Variants in VAV2 observed in about 807,000 individuals in gnomAD.
VAV2 encodes guanine nucleotide exchange factor VAV2.
Under a neutral mutation model 132.5 loss-of-function variants are expected in VAV2, and 67 were observed. The observed-to-expected ratio is 0.51, with a 90% confidence interval of 0.42 to 0.62. VAV2 has a LOEUF of 0.62. VAV2 is among the 20% of genes least tolerant of loss of function. The probability of loss-of-function intolerance (pLI) is 0.00; values close to 1 mark genes in which losing one functional copy is unlikely to be tolerated. For missense variants in VAV2, 938 were observed against 1,153.6 expected (o/e 0.81, Z 2.71); for synonymous variants, 492 against 443.5 (o/e 1.11, Z -1.37).
In VAV2 at chr9:133,794,977, GA is replaced by G. The variant is rs879359523; in HGVS notation, c.1101+690del. 1.3e-5 allele frequency among the ~76,000 whole-genome samples: 2 copies of G among 152,258 alleles called. No homozygotes were observed. Among genetic ancestry groups the G allele is most frequent in the Non-Finnish European group, 2.9e-5 (2 of 68,040 alleles). ...CAGGACGTGGCCAGGTGACGAGGAGGAGGGTGCACCTGAGCCAACACCCGGA... is the reference window on the plus strand; with the variant it reads ...CAGGACGTGGCCAGGTGACGAGGAGGGGGTGCACCTGAGCCAACACCCGGA... On this transcript the variant is annotated intron_variant, in intron 12 of 29. Transcript: ENST00000371850. This position sits in a 1 kb window ranked among gnomAD's most constrained non-coding sequence, Gnocchi z 4.6.
rs140331753 is a variant in VAV2 at position 133,857,669 on chromosome 9, C to A, written c.380+3705G>T. Among the ~76,000 whole-genome samples the A allele has an allele frequency of 5.3e-5, 8 of 152,178 alleles. No homozygotes were observed. The highest frequency in any genetic ancestry group is 1.4e-4 in the African/African-American group (6 of 41,434). On this transcript the variant is annotated intron_variant, in intron 3 of 29. Coordinates refer to ENST00000371850, the MANE Select transcript of VAV2 (RefSeq NM_001134398.2). This position sits in a 1 kb window ranked among gnomAD's most constrained non-coding sequence, Gnocchi z 4.0. ...GTGGCTGCCCCCAGAAGGTTCAATT[C>A]CCCATGGAAATCCCAGCCCATCCGG...
intron 9 of VAV2, among the ~76,000 whole-genome samples, chr9:133,799,418 C>T (rs1834846220): frequency 1.3e-5 from 2 of 152,204 alleles, no homozygotes; most frequent in African/African-American, 2.4e-5. Flanking sequence ...CTCTGGCATG[C>T]GAGGCTGACA....
intron 1 of VAV2, among the ~76,000 whole-genome samples, chr9:133,986,589 G>A (rs552751760): frequency 2.6e-5 from 4 of 152,304 alleles, no homozygotes; most frequent in South Asian, 2.1e-4. Flanking sequence ...TGCAGTAAAC[G>A]CACTGATGCC....
At position 133,980,005 on chromosome 9, in the gene VAV2, C is replaced by T. The variant is rs565523012; in HGVS notation, c.204+12070G>A. The stretch of plus-strand genomic sequence containing the variant: ...ACCAAGCACAGGGTTTCTGCCTCTG[C>T]GGCTCAATGCCACGAGCCAGTGCGC... On this transcript the variant is annotated intron_variant, in intron 1 of 29. Coordinates refer to ENST00000371850, the MANE Select transcript of VAV2 (RefSeq NM_001134398.2). Among the ~76,000 whole-genome samples the T allele has an allele frequency of 3.3e-5, 5 of 152,374 alleles. No individual in the cohort carries two copies. In the South Asian group the frequency reaches 8.3e-4, roughly 25 times the overall value.
At chr9:133,862,912 A>C (rs1260889012) in intron 2 of VAV2, among the ~76,000 whole-genome samples, 2 of 152,196 alleles carry the variant, frequency 1.3e-5, no homozygotes, top group African/African-American at 4.8e-5. Flanking sequence ...TCGACCAAGG[A>C]GGCGGCGGCT....
rs1050724304 is a variant in VAV2, at chr9:133,833,340, C to A, written c.449+932G>T. 6.6e-6 allele frequency among the ~76,000 whole-genome samples: 1 copy of A among 152,222 alleles called. No homozygotes were observed. Among genetic ancestry groups the A allele is most frequent in the Admixed American group, 6.5e-5 (1 of 15,288 alleles). On this transcript the variant is annotated intron_variant, in intron 4 of 29. Coordinates refer to ENST00000371850, the MANE Select transcript of VAV2 (RefSeq NM_001134398.2). The surrounding 1 kb of genome is among the most constrained non-coding windows in gnomAD (Gnocchi z 5.6). ...GGCACTCCCATACACGCAGCTCCCC[C>A]TCTTACTCCTCTCCCGGTTGTCATT... is the stretch of plus-strand genomic sequence containing the variant.
At chr9:133,840,000 A>G (rs1486652723) in intron 3 of VAV2, among the ~76,000 whole-genome samples, 2 of 151,032 alleles carry the variant, frequency 1.3e-5, no homozygotes, top group African/African-American at 4.9e-5. Flanking sequence ...CCCGCCCCCG[A>G]GGCCATCTTC....
At chr9:133,773,134 A>G (rs508878) in intron 25 of VAV2, among the ~76,000 whole-genome samples, 6,115 of 33,220 alleles carry the variant, frequency 0.18, 1,397 homozygotes, top group African/African-American at 0.31. Context: ...TAGGCTGGAC[A>G]GCAGAGCCTA....
rs1217857172 is a variant in VAV2 at position 133,928,375 on chromosome 9, G to A, written c.321+10728C>T. ...CTGAAGGCCTTTGCCAACAGCCCCT[G>A]CGCCGGGCTCTGCCGGGAGCCTGAG... On this transcript the variant is annotated intron_variant, in intron 2 of 29. Transcript: ENST00000371850. This position sits in a 1 kb window ranked among gnomAD's most constrained non-coding sequence, Gnocchi z 5.4. Among the ~76,000 whole-genome samples the A allele has an allele frequency of 2.0e-5, 3 of 152,226 alleles. No homozygotes were observed. The highest frequency in any genetic ancestry group is 7.2e-5 in the African/African-American group (3 of 41,456).
chr9:133,796,079 C>T (rs1306822551), intron 11 of VAV2, among the ~76,000 whole-genome samples: 1 of 152,240 alleles, frequency 6.6e-6, no homozygotes, highest in African/African-American at 2.4e-5. Context: ...CGCCTTCCCT[C>T]CCAGGTCTGG....
intron 2 of VAV2, among the ~76,000 whole-genome samples, chr9:133,878,177 G>A (rs1192943486): frequency 1.3e-5 from 2 of 152,228 alleles, no homozygotes; most frequent in African/African-American, 2.4e-5. Flanking sequence ...GATGCTCCGG[G>A]TGTACCACGG....
At chr9:133,959,760 C>T (rs1841905544) in intron 1 of VAV2, among the ~76,000 whole-genome samples, 1 of 152,124 alleles carries the variant, frequency 6.6e-6, no homozygotes, top group African/African-American at 2.4e-5. Context: ...TCTTAAGAGA[C>T]AGAAGAGGAG....
chr9:133,781,902 C>T (rs1588166068), intron 19 of VAV2, among the ~76,000 whole-genome samples: 1 of 152,208 alleles, frequency 6.6e-6, no homozygotes, highest in South Asian at 2.1e-4. Context: ...GCAGTTCCAA[C>T]TACACATACT....
intron 2 of VAV2, among the ~76,000 whole-genome samples, chr9:133,875,480 T>C (rs1427049753): frequency 6.6e-6 from 1 of 152,120 alleles, no homozygotes; most frequent in African/African-American, 2.4e-5. Flanking sequence ...CAACCCAGAA[T>C]TGTAGTCAGA....
intron 19 of VAV2, 137 bp downstream of exon 19, chr9:133,783,366 G>C: frequency 1.3e-6 from 1 of 770,168 alleles, no homozygotes; most frequent in Non-Finnish European, 2.3e-6. Context: ...TCTGCTCTGG[G>C]GCACGTGAGC....
At chr9:133,974,916 G>A (rs1440823564) in intron 1 of VAV2, among the ~76,000 whole-genome samples, 1 of 151,844 alleles carries the variant, frequency 6.6e-6, no homozygotes, top group Non-Finnish European at 1.5e-5. Flanking sequence ...TTCCCTCAAG[G>A]TCTGTACCTT....
At chr9:133,798,605 G>C (rs914403825) in intron 9 of VAV2, among the ~76,000 whole-genome samples, 2 of 152,184 alleles carry the variant, frequency 1.3e-5, no homozygotes, top group Non-Finnish European at 1.5e-5. Context: ...TTACCAGCCT[G>C]AAACTTCATC....
rs191239028 is a variant in VAV2, at chr9:133,784,356, T to C, written c.1595A>G (p.Asp532Gly). 62 of 1,614,214 alleles carry C rather than the reference T, an allele frequency of 3.8e-5. 1 individual carries two copies. In the East Asian group the frequency reaches 7.6e-4, roughly 20 times the overall value. The change falls in exon 18 of 30, where the codon GAC (aspartate) becomes GGC (glycine). Residue 532 changes from aspartate (D) to glycine (G), a missense_variant. Physicochemically the swap from Asp to Gly is moderately conservative, Grantham distance 94. Transcript: ENST00000371850. ...GCAGGCTTTGCAGTTGGTGGTCTTGTCAAACGTGTACATCTGGAAACTGTG... is the reference window on the plus strand; with the variant it reads ...GCAGGCTTTGCAGTTGGTGGTCTTGCCAAACGTGTACATCTGGAAACTGTG... ...NHHSFQMYTF[D>G]KTTNCKACKM...
intron 3 of VAV2, among the ~76,000 whole-genome samples, chr9:133,851,427 G>A (rs10993823): frequency 0.092 from 14,075 of 152,262 alleles, 796 homozygotes; most frequent in South Asian, 0.14. Context: ...AAGGGCCGGT[G>A]AGGACACTGA....
Sources: allele counts gnomAD v4.1 joint callset (sites outside exome capture counted in the v4.1 genomes callset), GRCh38; gene constraint gnomAD v4.1.1; non-coding constraint Gnocchi (gnomAD v3.1); transcripts MANE v1.5; gene names NCBI Gene and HGNC (gene_info 2026-07-23, HGNC 2026-07-21).